The following FNDC3B variants were observed in gnomAD, a reference collection of about 807,000 sequenced individuals.
FNDC3B encodes the protein fibronectin type III domain containing 3B.
Under a neutral mutation model 151.5 loss-of-function variants are expected in FNDC3B, and 12 were observed. The observed-to-expected ratio is 0.08, with a 90% CI of 0.05 to 0.13. The LOEUF (loss-of-function observed/expected upper bound fraction) is 0.13. Among genes scored for constraint, FNDC3B ranks in the 10% least tolerant of loss-of-function variants. The pLI is 1.00. For synonymous variants in FNDC3B, 528 were observed against 549.0 expected (o/e 0.96, Z 0.54); for missense variants, 1,214 against 1,505.3 (o/e 0.81, Z 3.20).
At position 172,392,814 on chromosome 3, in the gene FNDC3B, T is replaced by C. The variant is rs1417802973; in HGVS notation, c.3304-4350T>C. On this transcript the variant is annotated intron_variant, in intron 25 of 25. Coordinates refer to ENST00000415807, the MANE Select transcript of FNDC3B (RefSeq NM_022763.4). Reference sequence around the variant, plus strand: ...GAATTTTTTCTTTTTTTTTTTCTTTTTTTTTTTTCAGACAGAGAGTATTGC... The same window carrying C: ...GAATTTTTTCTTTTTTTTTTTCTTTCTTTTTTTTCAGACAGAGAGTATTGC... Among the ~76,000 whole-genome samples the C allele has an allele frequency of 3.7e-5, 5 of 136,748 alleles. No individual in the cohort carries two copies. In the South Asian group the frequency reaches 7.2e-4, roughly 20 times the overall value. The allele number at this position is 136,748 out of a possible 152,430, so 89.7% of individuals were successfully genotyped here.
chr3:172,296,511 C>G (rs1170172267), intron 8 of FNDC3B, among the ~76,000 whole-genome samples: 2 of 152,174 alleles, frequency 1.3e-5, no homozygotes, highest in African/African-American at 4.8e-5. Flanking sequence ...TGCAGGTCTT[C>G]CACCCCCGAC....
chr3:172,159,146 G>A (rs747111051), intron 3 of FNDC3B, among the ~76,000 whole-genome samples: 18 of 152,188 alleles, frequency 1.2e-4, no homozygotes, highest in East Asian at 1.2e-3. Context: ...GGGCGTGGTG[G>A]CACATGCCTG....
intron 5 of FNDC3B, among the ~76,000 whole-genome samples, chr3:172,248,871 A>ATTT (rs144209083): frequency 7.3e-5 from 11 of 149,682 alleles, no homozygotes; most frequent in African/African-American, 2.7e-4. Context: ...TGTTTTGTTT[A>ATTT]TTTTTTTTTG....
chr3:172,219,323 T>C (rs906270653), intron 3 of FNDC3B, among the ~76,000 whole-genome samples: 2 of 152,218 alleles, frequency 1.3e-5, no homozygotes, highest in Admixed American at 1.3e-4. Flanking sequence ...CTAGAAATAG[T>C]GTCCTTACAA....
chr3:172,084,048 A>G (rs191650595), intron 1 of FNDC3B, among the ~76,000 whole-genome samples: 1 of 152,294 alleles, frequency 6.6e-6, no homozygotes, highest in Admixed American at 6.5e-5. Flanking sequence ...GGAGGTTGCC[A>G]CAGTTCTGTG....
intron 9 of FNDC3B, chr3:172,302,223 T>C (rs958409773): frequency 2.0e-5 from 3 of 152,274 alleles, no homozygotes; most frequent in Non-Finnish European, 2.9e-5. Context: ...TTAGTATTAT[T>C]GCATGAGTTC....
intron 1 of FNDC3B, among the ~76,000 whole-genome samples, chr3:172,077,084 G>A (rs1718046773): frequency 1.3e-5 from 2 of 151,962 alleles, no homozygotes; most frequent in African/African-American, 2.4e-5. Flanking sequence ...ATGATGATAG[G>A]TAAATAGAAT....
chr3:172,382,089 G>A (rs113926798), intron 25 of FNDC3B, among the ~76,000 whole-genome samples: 22,216 of 152,090 alleles, frequency 0.15, 1,838 homozygotes, highest in South Asian at 0.21. Flanking sequence ...TCCCACCAAC[G>A]GTGTAAAAGT....
Position 172,051,946 on chromosome 3 carries a change from C to T in FNDC3B, c.-29+12175C>T, listed in dbSNP as rs191480698. 9.9e-4 allele frequency among the ~76,000 whole-genome samples: 150 copies of T among 152,132 alleles called. 1 individual carries two copies. The highest frequency in any genetic ancestry group is 9.5e-3 in the Admixed American group (145 of 15,290). ...TATGTTCCATGAAAATATGGGCCCTCAATTATGTACATTTTGTTTGTTTAT... is the reference window on the plus strand; with the variant it reads ...TATGTTCCATGAAAATATGGGCCCTTAATTATGTACATTTTGTTTGTTTAT... On this transcript the variant is annotated intron_variant, in intron 1 of 25. Transcript: ENST00000415807.
At chr3:172,317,422 G>C (rs1731857529) in intron 11 of FNDC3B, among the ~76,000 whole-genome samples, 2 of 151,960 alleles carry the variant, frequency 1.3e-5, no homozygotes, top group East Asian at 3.9e-4. Flanking sequence ...CTGACCTCGT[G>C]ATCCGCCTGC....
chr3:172,393,317 C>A (rs1736115879), intron 25 of FNDC3B, among the ~76,000 whole-genome samples: 1 of 152,122 alleles, frequency 6.6e-6, no homozygotes. Context: ...AGCATCAATT[C>A]ATCAAGAGGA....
intron 13 of FNDC3B, among the ~76,000 whole-genome samples, chr3:172,331,742 T>C (rs548669875): frequency 6.6e-6 from 1 of 152,324 alleles, no homozygotes; most frequent in East Asian, 1.9e-4. Flanking sequence ...CAGAATGCCC[T>C]TCCAGATGTC....
At chr3:172,043,164 G>A (rs1405712023) in intron 1 of FNDC3B, among the ~76,000 whole-genome samples, 2 of 152,174 alleles carry the variant, frequency 1.3e-5, no homozygotes, top group African/African-American at 4.8e-5. Context: ...TGATCCACCC[G>A]CCTCGGGCTC....
At chr3:172,199,232 T>G (rs1040994337) in intron 3 of FNDC3B, among the ~76,000 whole-genome samples, 1 of 151,302 alleles carries the variant, frequency 6.6e-6, no homozygotes, top group Admixed American at 6.6e-5. Flanking sequence ...CAGGCTGGAG[T>G]GCAGTGGCGC....
At chr3:172,383,430 T>C (rs1170325672) in intron 25 of FNDC3B, among the ~76,000 whole-genome samples, 1 of 152,232 alleles carries the variant, frequency 6.6e-6, no homozygotes, top group Non-Finnish European at 1.5e-5. Context: ...TTAACCTAAC[T>C]ACTGAAGCCT....
At position 172,353,072 on chromosome 3, in the gene FNDC3B, A is replaced by G. The variant is rs913567622; in HGVS notation, c.2784A>G (p.Glu928=). The change falls in exon 22 of 26, where the codon GAA becomes GAG. Residue 928 remains glutamate (E), a synonymous_variant. Transcript: ENST00000415807. ...ATGTTATGAAAGATCTCCTTCCAGA[A>G]ACCACCTACCGGTGAGTGCAAGGGA... The part of the protein sequence containing the change: ...TMHVMKDLLP[E]TTYRIRIQAI... 1.9e-6 allele frequency: 3 copies of G among 1,613,698 alleles called. No homozygotes were observed. In the African/African-American group the frequency reaches 4.0e-5, roughly 22 times the overall value.
At chr3:172,308,942 C>T (rs1011520978) in intron 10 of FNDC3B, among the ~76,000 whole-genome samples, 11 of 152,096 alleles carry the variant, frequency 7.2e-5, no homozygotes, top group African/African-American at 2.4e-4. Flanking sequence ...CCTGAGGGAT[C>T]CCGGGGTCTT....
Position 172,400,740 on chromosome 3 carries a change from G to A in FNDC3B, c.*3265G>A, listed in dbSNP as rs1736530039. The A allele has an allele frequency of 6.8e-6, 1 of 147,846 alleles. No homozygotes were observed. 9.2% of individuals were successfully genotyped at this position (147,846 alleles called of 1,614,324 possible). On this transcript the variant is annotated 3_prime_UTR_variant, in exon 26 of 26. Coordinates refer to ENST00000415807, the MANE Select transcript of FNDC3B (RefSeq NM_022763.4). ...TGCCATGACTAGGATTGCTTTTGTT[G>A]TTGTTGTTGTTGTTTCTTTCTTTTT...
At chr3:172,062,765 C>T (rs1270739491) in intron 1 of FNDC3B, among the ~76,000 whole-genome samples, 1 of 152,054 alleles carries the variant, frequency 6.6e-6, no homozygotes, top group African/African-American at 2.4e-5. Flanking sequence ...CATCCATCCA[C>T]CCATCCATCC....
Sources: gnomAD v4.1 joint callset for allele counts (sites outside exome capture counted in the v4.1 genomes callset) on GRCh38, gnomAD v4.1.1 for gene constraint, MANE v1.5 for transcripts, NCBI Gene and HGNC (gene_info 2026-07-23, HGNC 2026-07-21) for gene names.